STXBP5L: variants seen among roughly 807,000 people sequenced by gnomAD.
The protein encoded by STXBP5L is syntaxin binding protein 5L.
Under a neutral mutation model 144.5 loss-of-function variants are expected in STXBP5L, and 65 were observed. The ratio of observed to expected loss-of-function variants is 0.45; its 90% CI spans 0.37 to 0.55. The LOEUF (loss-of-function observed/expected upper bound fraction) is 0.55. STXBP5L is among the 20% of genes least tolerant of loss of function. The probability of loss-of-function intolerance (pLI) is 0.00; values close to 1 mark genes in which losing one functional copy is unlikely to be tolerated. For synonymous variants in STXBP5L, 505 were observed against 469.6 expected (o/e 1.08, Z -0.97); for missense variants, 1,298 against 1,405.5 (o/e 0.92, Z 1.22).
chr3:121,104,214 A>G (rs540021360), intron 5 of STXBP5L, among the ~76,000 whole-genome samples: 36 of 152,282 alleles, frequency 2.4e-4, no homozygotes, highest in African/African-American at 8.4e-4. Flanking sequence ...GTAGGTAACA[A>G]ATAATATCCT....
At chr3:121,014,862 A>T (rs932833159) in intron 3 of STXBP5L, among the ~76,000 whole-genome samples, 3 of 152,088 alleles carry the variant, frequency 2.0e-5, no homozygotes, top group Non-Finnish European at 4.4e-5. Context: ...TAATAATTAT[A>T]TTTTTATGTG....
chr3:121,143,019 TGAAAG>T, intron 7 of STXBP5L, among the ~76,000 whole-genome samples: 1 of 151,742 alleles, frequency 6.6e-6, no homozygotes, highest in African/African-American at 2.4e-5. Context: ...AAATCAGAAA[TGAAAG>T]GAGTGATTTA....
intron 20 of STXBP5L, among the ~76,000 whole-genome samples, chr3:121,361,816 G>A (rs1386843373): frequency 2.6e-5 from 4 of 151,790 alleles, no homozygotes; most frequent in Non-Finnish European, 4.4e-5. Context: ...AATTCATTTG[G>A]TGAAGTCATG....
At chr3:121,320,390 T>C (rs956588534) in intron 20 of STXBP5L, among the ~76,000 whole-genome samples, 1 of 152,162 alleles carries the variant, frequency 6.6e-6, no homozygotes, top group Non-Finnish European at 1.5e-5. Flanking sequence ...ATTCTTATAG[T>C]TGGTAAAATT....
At chr3:121,103,864 A>AGTGTTTT (rs1273225800) in intron 5 of STXBP5L, among the ~76,000 whole-genome samples, 17 of 152,208 alleles carry the variant, frequency 1.1e-4, no homozygotes, top group African/African-American at 3.4e-4. Flanking sequence ...CAAAGTTCTT[A>AGTGTTTT]GTGTTTTGCC....
chr3:121,112,402 T>A (rs1207590673), intron 5 of STXBP5L, among the ~76,000 whole-genome samples: 1 of 152,128 alleles, frequency 6.6e-6, no homozygotes, highest in African/African-American at 2.4e-5. Context: ...GTTCCCCTTG[T>A]TACTTGCAGC....
intron 3 of STXBP5L, among the ~76,000 whole-genome samples, chr3:120,989,249 A>T (rs1359479722): frequency 6.6e-6 from 1 of 152,096 alleles, no homozygotes; most frequent in African/African-American, 2.4e-5. Flanking sequence ...ACATTCCAAC[A>T]AGCAATGTAT....
chr3:121,062,981 T>C (rs574748985), intron 5 of STXBP5L, among the ~76,000 whole-genome samples: 2 of 152,298 alleles, frequency 1.3e-5, no homozygotes, highest in South Asian at 4.1e-4. Context: ...GAGTTTGTTA[T>C]TACCCATCTT....
intron 22 of STXBP5L, among the ~76,000 whole-genome samples, chr3:121,400,238 C>T (rs1163474893): frequency 3.3e-5 from 5 of 152,320 alleles, no homozygotes; most frequent in South Asian, 2.1e-4. Context: ...CTCACCCAGG[C>T]GATGACTTAG....
intron 20 of STXBP5L, among the ~76,000 whole-genome samples, chr3:121,331,240 G>A (rs2044312134): frequency 6.6e-6 from 1 of 152,196 alleles, no homozygotes; most frequent in African/African-American, 2.4e-5. Flanking sequence ...AGCAAGAAAA[G>A]TCTGCAGCTC....
At chr3:121,351,728 C>A (rs908436862) in intron 20 of STXBP5L, among the ~76,000 whole-genome samples, 1 of 152,004 alleles carries the variant, frequency 6.6e-6, no homozygotes, top group Non-Finnish European at 1.5e-5. Context: ...CTTTTGTTGC[C>A]ATTGCTTTTG....
At chr3:121,405,514 G>T (rs1397143158) in intron 22 of STXBP5L, among the ~76,000 whole-genome samples, 2 of 152,076 alleles carry the variant, frequency 1.3e-5, no homozygotes, top group Non-Finnish European at 2.9e-5. Flanking sequence ...TTGAATGAAG[G>T]TTGTAGTCGG....
chr3:121,078,835 C>A (rs962103588), intron 5 of STXBP5L, among the ~76,000 whole-genome samples: 11 of 152,268 alleles, frequency 7.2e-5, no homozygotes, highest in African/African-American at 2.2e-4. Flanking sequence ...GCAGGGCTGG[C>A]CGGCTGCTCT....
intron 2 of STXBP5L, among the ~76,000 whole-genome samples, chr3:120,950,583 G>A (rs958504877): frequency 6.6e-6 from 1 of 152,068 alleles, no homozygotes; most frequent in Non-Finnish European, 1.5e-5. Context: ...TGTGCACAAT[G>A]TGTAGGTTAG....
At chr3:120,997,913 C>T (rs1265227892) in intron 3 of STXBP5L, among the ~76,000 whole-genome samples, 1 of 152,264 alleles carries the variant, frequency 6.6e-6, no homozygotes, top group East Asian at 1.9e-4. Context: ...ACCTAGAATG[C>T]AAGGTTTGTT....
intron 7 of STXBP5L, among the ~76,000 whole-genome samples, chr3:121,129,542 G>T (rs1220326965): frequency 6.6e-6 from 1 of 151,972 alleles, no homozygotes; most frequent in Non-Finnish European, 1.5e-5. Flanking sequence ...ACAACCTATG[G>T]TACCTAAGAT....
intron 18 of STXBP5L, among the ~76,000 whole-genome samples, chr3:121,273,806 A>G (rs2050798366): frequency 6.6e-6 from 1 of 151,932 alleles, no homozygotes; most frequent in African/African-American, 2.4e-5. Flanking sequence ...CTTTTGCTTG[A>G]TCAAGTCGGC....
chr3:120,947,890 C>T (rs974257201), intron 2 of STXBP5L, among the ~76,000 whole-genome samples: 1 of 151,684 alleles, frequency 6.6e-6, no homozygotes, highest in Non-Finnish European at 1.5e-5. Context: ...TTTTTGGCTG[C>T]TATGAATAAT....
intron 3 of STXBP5L, among the ~76,000 whole-genome samples, chr3:120,955,337 A>G (rs992336478): frequency 2.6e-5 from 4 of 152,020 alleles, no homozygotes; most frequent in African/African-American, 4.8e-5. Context: ...CAAAGAATCA[A>G]CTTTTGGGTG....
Sources: gnomAD v4.1 joint callset for allele counts (sites outside exome capture counted in the v4.1 genomes callset) on GRCh38, gnomAD v4.1.1 for gene constraint, MANE v1.5 for transcripts, NCBI Gene and HGNC (gene_info 2026-07-23, HGNC 2026-07-21) for gene names.